IL1RAPL2: variants seen among roughly 807,000 people sequenced by gnomAD.
IL1RAPL2 encodes the protein X-linked interleukin-1 receptor accessory protein-like 2.
In IL1RAPL2, 3 loss-of-function variants were observed where a neutral mutation model predicts 44.1. The ratio of observed to expected loss-of-function variants is 0.07; its 90% CI spans 0.03 to 0.18. The LOEUF (loss-of-function observed/expected upper bound fraction) is 0.18. IL1RAPL2 is among the 10% of genes least tolerant of loss of function. The pLI is 1.00. For synonymous variants in IL1RAPL2, 181 were observed against 178.8 expected, an observed-to-expected ratio of 1.01 and a Z score of -0.10; for missense variants, 391 against 496.4, an observed-to-expected ratio of 0.79 and a Z score of 2.02.
chrX:105,606,303 C>G (rs900805232), intron 6 of IL1RAPL2, among the ~76,000 whole-genome samples: 25 of 111,518 alleles, frequency 2.2e-4, no homozygotes, highest in Non-Finnish European at 3.4e-4. Context: ...TATGAAAAAG[C>G]GCTCAACATC....
intron 2 of IL1RAPL2, among the ~76,000 whole-genome samples, chrX:104,897,549 C>T (rs989587090): frequency 7.1e-5 from 8 of 112,186 alleles, no homozygotes; most frequent in Non-Finnish European, 1.1e-4. Context: ...ATATGAACCC[C>T]ACCTCTCTGT....
chrX:105,679,253 T>TAA (rs2037901481), intron 6 of IL1RAPL2, among the ~76,000 whole-genome samples: 1 of 111,726 alleles, frequency 9.0e-6, no homozygotes, highest in South Asian at 3.7e-4. Context: ...TGTTAAATCA[T>TAA]AAAGTTCCTT....
intron 10 of IL1RAPL2, among the ~76,000 whole-genome samples, chrX:105,761,531 A>AT (rs1193346261): frequency 1.8e-5 from 2 of 111,809 alleles, no homozygotes; most frequent in African/African-American, 3.2e-5. Flanking sequence ...TGAATAATAT[A>AT]TTTTTCTTTG....
At chrX:104,905,838 A>T (rs1469388452) in intron 2 of IL1RAPL2, among the ~76,000 whole-genome samples, 1 of 111,023 alleles carries the variant, frequency 9.0e-6, no homozygotes, top group African/African-American at 3.3e-5. Flanking sequence ...CAATTCTGTG[A>T]AGAAAGTCAT....
intron 2 of IL1RAPL2, among the ~76,000 whole-genome samples, chrX:105,103,438 C>T (rs977526709): frequency 2.7e-5 from 3 of 111,542 alleles, no homozygotes; most frequent in Non-Finnish European, 5.7e-5. Context: ...AAACCTATGC[C>T]GCCATCTTTC....
intron 6 of IL1RAPL2, among the ~76,000 whole-genome samples, chrX:105,540,858 A>G (rs2036721623): frequency 9.9e-6 from 1 of 101,412 alleles, no homozygotes; most frequent in Non-Finnish European, 2.0e-5. Flanking sequence ...CATATATTAT[A>G]TATGATATAT....
intron 6 of IL1RAPL2, among the ~76,000 whole-genome samples, chrX:105,614,833 C>A (rs2037361617): frequency 9.0e-6 from 1 of 111,122 alleles, no homozygotes; most frequent in African/African-American, 3.3e-5. Context: ...CAAATGGTAT[C>A]ACATCAAGTT....
intron 2 of IL1RAPL2, among the ~76,000 whole-genome samples, chrX:104,705,312 A>T (rs865978499): frequency 4.5e-5 from 5 of 110,998 alleles, no homozygotes; most frequent in African/African-American, 1.6e-4. Context: ...GGGTGCCTGC[A>T]AAGTTTGCTC....
intron 4 of IL1RAPL2, among the ~76,000 whole-genome samples, chrX:105,255,677 C>A (rs188872401): frequency 8.9e-6 from 1 of 111,903 alleles, no homozygotes; most frequent in Non-Finnish European, 1.9e-5. Context: ...CTGGCCAGAA[C>A]TTCCAATACT....
chrX:104,586,884 C>T (rs965817529), intron 1 of IL1RAPL2, among the ~76,000 whole-genome samples: 1 of 111,606 alleles, frequency 9.0e-6, no homozygotes, highest in Non-Finnish European at 1.9e-5. Flanking sequence ...TGACTAAGAA[C>T]CTTGTGCACC....
chrX:104,897,718 A>G (rs1042524504), intron 2 of IL1RAPL2, among the ~76,000 whole-genome samples: 1 of 112,284 alleles, frequency 8.9e-6, no homozygotes, highest in Admixed American at 9.4e-5. Context: ...GCATATACAA[A>G]GTGAAGAGTT....
intron 5 of IL1RAPL2, among the ~76,000 whole-genome samples, chrX:105,425,212 A>G (rs2035800636): frequency 9.0e-6 from 1 of 111,298 alleles, no homozygotes; most frequent in Admixed American, 9.6e-5. Context: ...AGTAAAGGAG[A>G]TTACTTGGGT....
At chrX:104,781,236 A>G (rs779309977) in intron 2 of IL1RAPL2, among the ~76,000 whole-genome samples, 1 of 111,161 alleles carries the variant, frequency 9.0e-6, no homozygotes, top group East Asian at 2.8e-4. Context: ...CTATCTTTAT[A>G]ATATCCCTAG....
intron 2 of IL1RAPL2, among the ~76,000 whole-genome samples, chrX:104,663,688 G>A (rs1273150248): frequency 9.4e-6 from 1 of 106,945 alleles, no homozygotes; most frequent in African/African-American, 3.4e-5. Flanking sequence ...GGAAGGGAAA[G>A]TGGTACTAGA....
At chrX:104,900,523 C>T (rs913416393) in intron 2 of IL1RAPL2, among the ~76,000 whole-genome samples, 1 of 111,241 alleles carries the variant, frequency 9.0e-6, no homozygotes, top group Non-Finnish European at 1.9e-5. Flanking sequence ...TGGCTTAAAA[C>T]AACAATTATT....
intron 5 of IL1RAPL2, among the ~76,000 whole-genome samples, chrX:105,363,096 A>G (rs1036482007): frequency 9.4e-6 from 1 of 106,493 alleles, no homozygotes; most frequent in African/African-American, 3.4e-5. Flanking sequence ...GATTTCACAT[A>G]TGAGTGAGGG....
chrX:104,568,091 G>GT (rs200744321), intron 1 of IL1RAPL2, among the ~76,000 whole-genome samples: 42 of 111,003 alleles, frequency 3.8e-4, no homozygotes, highest in Non-Finnish European at 4.2e-4. Flanking sequence ...TATCACAGGT[G>GT]TTTTTTTTAG....
intron 2 of IL1RAPL2, among the ~76,000 whole-genome samples, chrX:104,796,556 G>A (rs761951805): frequency 9.8e-4 from 110 of 111,775 alleles, no homozygotes; most frequent in African/African-American, 3.4e-3. Context: ...TGCATTGTGC[G>A]GTGATGGGGA....
intron 2 of IL1RAPL2, among the ~76,000 whole-genome samples, chrX:104,866,809 A>C (rs1395217554): frequency 8.9e-6 from 1 of 111,832 alleles, no homozygotes; most frequent in African/African-American, 3.2e-5. Flanking sequence ...TTCAAAATGC[A>C]TTTGAATTGA....
Sources: allele counts gnomAD v4.1 joint callset (sites outside exome capture counted in the v4.1 genomes callset), GRCh38; gene constraint gnomAD v4.1.1; transcripts MANE v1.5; gene names NCBI Gene and HGNC (gene_info 2026-07-23, HGNC 2026-07-21).